SUSD5: variants seen among roughly 807,000 people sequenced by gnomAD.
SUSD5 encodes the protein sushi domain-containing protein 5.
Under a neutral mutation model 29.5 loss-of-function variants are expected in SUSD5, and 33 were observed. The observed-to-expected ratio is 1.12, with a 90% CI of 0.85 to 1.49. SUSD5 has a LOEUF of 1.49. Ranked by LOEUF, SUSD5 falls within the 40% of genes most tolerant of loss-of-function variation. The probability of loss-of-function intolerance (pLI) is 0.00; values close to 1 mark genes in which losing one functional copy is unlikely to be tolerated. For missense variants in SUSD5, 776 were observed against 800.6 expected (o/e 0.97, Z 0.37); for synonymous variants, 308 against 325.3 (o/e 0.95, Z 0.57).
Position 33,207,931 on chromosome 3 carries a change from A to G in SUSD5, c.291-5T>C, listed in dbSNP as rs754838826. Reference sequence around the variant, plus strand: ...CCTTTGCTACACACAGTTGTTCTGAAATAGACAAAAAAGGCACTGAATGAG... The same window carrying G: ...CCTTTGCTACACACAGTTGTTCTGAGATAGACAAAAAAGGCACTGAATGAG... On this transcript the variant is annotated splice_polypyrimidine_tract_variant and splice_region_variant and intron_variant, in intron 2 of 4. Coordinates refer to ENST00000309558, the MANE Select transcript of SUSD5 (RefSeq NM_015551.2). The G allele has an allele frequency of 6.2e-7, 1 of 1,609,446 alleles. No individual in the cohort carries two copies. Among genetic ancestry groups the G allele is most frequent in the Admixed American group, 1.7e-5 (1 of 59,372 alleles).
At chr3:33,203,961 C>G (rs1025457566) in intron 3 of SUSD5, among the ~76,000 whole-genome samples, 2 of 152,154 alleles carry the variant, frequency 1.3e-5, no homozygotes, top group African/African-American at 4.8e-5. Flanking sequence ...GTTGCTCAGG[C>G]TGGAGTGCAG....
At position 33,153,565 on chromosome 3, in the gene SUSD5, C is replaced by T. The variant is rs1464146229; in HGVS notation, c.1067G>A (p.Ser356Asn). 6.2e-7 allele frequency: 1 copy of T among 1,613,942 alleles called. No individual in the cohort carries two copies. The highest frequency in any genetic ancestry group is 1.3e-5 in the African/African-American group (1 of 74,938). Residue 356 changes from serine to asparagine, a missense_variant, in exon 5 of 5, where the codon AGC becomes AAC. Coordinates refer to ENST00000309558, the MANE Select transcript of SUSD5 (RefSeq NM_015551.2). ...PSGPFVGKND[S>N]KAGDPVVSSS... Reference sequence around the variant, plus strand: ...GCTCACCACTGGATCTCCTGCCTTGCTGTCATTCTTGCCCACAAATGGCCC... The same window carrying T: ...GCTCACCACTGGATCTCCTGCCTTGTTGTCATTCTTGCCCACAAATGGCCC...
Position 33,152,816 on chromosome 3 carries a change from A to C in SUSD5, c.1816T>G (p.Ser606Ala). Residue 606 changes from serine to alanine, a missense_variant, in exon 5 of 5, where the codon TCT becomes GCT. Coordinates refer to ENST00000309558, the MANE Select transcript of SUSD5 (RefSeq NM_015551.2). ...WGYRKCQHKS[S>A]VYKLNVGQRQ... The stretch of plus-strand genomic sequence containing the variant: ...TGGCCAACATTCAGCTTGTACACAG[A>C]GCTCTTGTGCTGGCACTTGCGGTAG... The C allele has an allele frequency of 6.2e-7, 1 of 1,613,886 alleles. No individual in the cohort carries two copies. The highest frequency in any genetic ancestry group is 8.5e-7 in the Non-Finnish European group (1 of 1,179,864).
At chr3:33,187,077 T>C (rs757044940) in intron 3 of SUSD5, among the ~76,000 whole-genome samples, 3 of 152,174 alleles carry the variant, frequency 2.0e-5, no homozygotes, top group Non-Finnish European at 4.4e-5. Flanking sequence ...GCCTGGACTT[T>C]CCACCTTTCT....
At chr3:33,173,640 G>A (rs1377533019) in intron 4 of SUSD5, among the ~76,000 whole-genome samples, 1 of 152,204 alleles carries the variant, frequency 6.6e-6, no homozygotes, top group African/African-American at 2.4e-5. Context: ...GGGATCTGCA[G>A]GACATTCCAG....
At chr3:33,168,381 A>G (rs2125618135) in intron 4 of SUSD5, 1 of 434,064 alleles carries the variant, frequency 2.3e-6, no homozygotes, top group East Asian at 1.6e-4. Context: ...TGACAAGGAA[A>G]TTCTAAATTC....
chr3:33,158,687 C>T (rs940914262), intron 4 of SUSD5, among the ~76,000 whole-genome samples: 3 of 152,160 alleles, frequency 2.0e-5, no homozygotes, highest in African/African-American at 7.2e-5. Context: ...AAACAATACA[C>T]CTTTGCCAGT....
Position 33,152,712 on chromosome 3 carries a change from T to A in SUSD5, c.*30A>T. On this transcript the variant is annotated 3_prime_UTR_variant, in exon 5 of 5. Transcript: ENST00000309558. ...GTGTCACAGTTATTTTCCTCCCAAG[T>A]GGCTTTGGGAGAACCCACTCCAAAG... 1 of 1,558,036 alleles carries A rather than the reference T, an allele frequency of 6.4e-7. No individual in the cohort carries two copies. Among genetic ancestry groups the A allele is most frequent in the Non-Finnish European group, 8.7e-7 (1 of 1,151,276 alleles).
intron 3 of SUSD5, among the ~76,000 whole-genome samples, chr3:33,189,464 G>A (rs1044234550): frequency 1.7e-5 from 2 of 119,992 alleles, no homozygotes; most frequent in Non-Finnish European, 3.2e-5. Context: ...TGGGTGGAGC[G>A]AGACTCTCCT....
intron 3 of SUSD5, among the ~76,000 whole-genome samples, chr3:33,181,305 T>C (rs936727325): frequency 5.3e-5 from 8 of 151,858 alleles, no homozygotes; most frequent in African/African-American, 1.9e-4. Flanking sequence ...CGTCCAGTGC[T>C]GCAAGCGCCA....
At chr3:33,209,236 C>G (rs1213497873) in intron 2 of SUSD5, among the ~76,000 whole-genome samples, 3 of 152,114 alleles carry the variant, frequency 2.0e-5, no homozygotes, top group African/African-American at 7.2e-5. Flanking sequence ...ATGATTCTTA[C>G]CAGTCTTACC....
intron 3 of SUSD5, among the ~76,000 whole-genome samples, chr3:33,193,807 G>A (rs1198075658): frequency 1.3e-5 from 2 of 152,038 alleles, no homozygotes; most frequent in Non-Finnish European, 2.9e-5. Context: ...CCTGGGTATG[G>A]GCCAAACTAA....
At chr3:33,180,764 C>A (rs145039180) in intron 3 of SUSD5, among the ~76,000 whole-genome samples, 2,023 of 152,088 alleles carry the variant, frequency 0.013, 40 homozygotes, top group East Asian at 0.084. Flanking sequence ...AGCTTGAACC[C>A]AGGAGGCAGA....
chr3:33,153,030 T>C lies in SUSD5; in HGVS notation c.1602A>G (p.Pro534=), dbSNP rs2030947968. ...CAAAGAAGTCTTCAGACAGCAGGTA[T>C]GGGAAGCTATCCTGGATCTCAGGAA... ...TTVPEIQDSF[P]YLLSEDFFGQ... Residue 534 remains proline (P), a synonymous_variant, in exon 5 of 5, where the codon CCA becomes CCG. Transcript: ENST00000309558. The C allele has an allele frequency of 6.2e-7, 1 of 1,613,686 alleles. No individual in the cohort carries two copies.
At position 33,210,677 on chromosome 3, in the gene SUSD5, T is replaced by A. The variant is rs1291004409; in HGVS notation, c.291-2751A>T. Among the ~76,000 whole-genome samples the A allele has an allele frequency of 2.6e-5, 4 of 152,168 alleles. No homozygotes were observed. In the East Asian group the frequency reaches 7.7e-4, roughly 29 times the overall value. ...AGTGTGTGGTGAGGGAGTGGAGACC[T>A]GGGCAGGAAAGGCCCACAGTGAAAT... On this transcript the variant is annotated intron_variant, in intron 2 of 4. Coordinates refer to ENST00000309558, the MANE Select transcript of SUSD5 (RefSeq NM_015551.2).
At chr3:33,168,021 T>C (rs1427017169) in intron 4 of SUSD5, among the ~76,000 whole-genome samples, 1 of 152,202 alleles carries the variant, frequency 6.6e-6, no homozygotes, top group Non-Finnish European at 1.5e-5. Context: ...TGTGCATTTA[T>C]ATTTAACTGC....
intron 2 of SUSD5, among the ~76,000 whole-genome samples, chr3:33,211,019 A>T (rs567962967): frequency 2.0e-4 from 30 of 152,098 alleles, no homozygotes; most frequent in Non-Finnish European, 3.8e-4. Context: ...GACTACAGGC[A>T]CACACCACCA....
At position 33,190,660 on chromosome 3, in the gene SUSD5, G is replaced by A. The variant is rs1006248793; in HGVS notation, c.410-15586C>T. ...ATGCCACCCAAAAATATACAACTCT[G>A]TTTGGCATGCTGATTACTTCAAACT... is the stretch of plus-strand genomic sequence containing the variant. On this transcript the variant is annotated intron_variant, in intron 3 of 4. Coordinates refer to ENST00000309558, the MANE Select transcript of SUSD5 (RefSeq NM_015551.2). Among the ~76,000 whole-genome samples, 8 of 152,244 alleles carry A rather than the reference G, an allele frequency of 5.3e-5. No individual in the cohort carries two copies. In the South Asian group the frequency reaches 1.7e-3, roughly 32 times the overall value.
chr3:33,211,284 C>T (rs1411361839), intron 2 of SUSD5, among the ~76,000 whole-genome samples: 1 of 152,168 alleles, frequency 6.6e-6, no homozygotes, highest in African/African-American at 2.4e-5. Flanking sequence ...AGAAGATGGA[C>T]CTTTCTAATC....
Sources: allele counts gnomAD v4.1 joint callset (sites outside exome capture counted in the v4.1 genomes callset), GRCh38; gene constraint gnomAD v4.1.1; transcripts MANE v1.5; gene names NCBI Gene and HGNC (gene_info 2026-07-23, HGNC 2026-07-21).